GALNT13: variants seen among roughly 807,000 people sequenced by gnomAD.
The protein encoded by GALNT13 is UDP-GalNAc:polypeptide N-acetylgalactosaminyltransferase 13.
GALNT13 carries 28 observed loss-of-function variants against 64.2 expected under a neutral mutation model. That is an observed-to-expected ratio of 0.44 (90% CI 0.32 to 0.60). The LOEUF (loss-of-function observed/expected upper bound fraction) is 0.60, where lower values mean the gene tolerates loss of function less well. Ranked by LOEUF, GALNT13 falls within the 20% of genes least tolerant of loss-of-function variation. The pLI, the probability that GALNT13 is intolerant of heterozygous loss-of-function variation, is 0.05. For synonymous variants in GALNT13, 214 were observed against 224.6 expected (o/e 0.95, Z 0.42); for missense variants, 577 against 669.8 (o/e 0.86, Z 1.53).
chr2:153,725,367 TAGTG>T, the GALNT13 span, among the ~76,000 whole-genome samples: 2 of 151,028 alleles, frequency 1.3e-5, no homozygotes, highest in African/African-American at 4.9e-5. Context: ...GATGACGAGT[TAGTG>T]GGTGCAGCGC....
At chr2:153,741,212 T>C in the GALNT13 span, among the ~76,000 whole-genome samples, 1 of 152,104 alleles carries the variant, frequency 6.6e-6, no homozygotes, top group Non-Finnish European at 1.5e-5. Context: ...ACTATTTCAA[T>C]CTATTTATTT....
At chr2:153,790,601 G>C in the GALNT13 span, among the ~76,000 whole-genome samples, 1 of 152,116 alleles carries the variant, frequency 6.6e-6, no homozygotes, top group Non-Finnish European at 1.5e-5. Context: ...GCCCTGACCA[G>C]AGCAATCAGG....
At chr2:154,020,829 T>C (rs1250132852) in intron 3 of GALNT13, among the ~76,000 whole-genome samples, 1 of 152,148 alleles carries the variant, frequency 6.6e-6, no homozygotes, top group East Asian at 1.9e-4. Context: ...TTTTTATGGT[T>C]TTAAGTCTAA....
chr2:154,020,284 C>T (rs1697353177), intron 3 of GALNT13, among the ~76,000 whole-genome samples: 1 of 152,132 alleles, frequency 6.6e-6, no homozygotes, highest in Non-Finnish European at 1.5e-5. Flanking sequence ...CACCGACTTC[C>T]ACAATGGTTG....
chr2:153,321,013 T>G, the GALNT13 span, among the ~76,000 whole-genome samples: 2 of 152,212 alleles, frequency 1.3e-5, no homozygotes, highest in East Asian at 3.9e-4. Flanking sequence ...TGAGCCTTAA[T>G]ATAGCTCATG....
At chr2:153,337,711 G>A in the GALNT13 span, 3 of 152,172 alleles carry the variant, frequency 2.0e-5, no homozygotes, top group Non-Finnish European at 4.4e-5. Flanking sequence ...ACAGCGATGG[G>A]AGACCTGGTC....
chr2:153,564,017 G>C, the GALNT13 span, among the ~76,000 whole-genome samples: 1 of 151,912 alleles, frequency 6.6e-6, no homozygotes, highest in African/African-American at 2.4e-5. Flanking sequence ...GGTTACTTAT[G>C]GTTTCTGGAT....
At chr2:153,989,266 A>G (rs959661067) in intron 3 of GALNT13, among the ~76,000 whole-genome samples, 4 of 151,954 alleles carry the variant, frequency 2.6e-5, no homozygotes, top group Non-Finnish European at 5.9e-5. Context: ...TCTGCATTGT[A>G]TATGTTTCAA....
At chr2:154,351,686 A>C (rs1574139389) in intron 9 of GALNT13, among the ~76,000 whole-genome samples, 2 of 8,320 alleles carry the variant, frequency 2.4e-4, no homozygotes, top group Non-Finnish European at 2.4e-4. Flanking sequence ...CCGTCTCAAA[A>C]AAAAAAAAAA....
intron 3 of GALNT13, among the ~76,000 whole-genome samples, chr2:153,976,705 C>T (rs769493220): frequency 1.3e-4 from 19 of 151,784 alleles, no homozygotes; most frequent in Non-Finnish European, 2.2e-4. Context: ...TTTTGTCAAT[C>T]GATTATGTTG....
chr2:153,793,570 A>G, the GALNT13 span, among the ~76,000 whole-genome samples: 1 of 152,218 alleles, frequency 6.6e-6, no homozygotes, highest in African/African-American at 2.4e-5. Context: ...TCACTTCTGA[A>G]ATCAAAGTTA....
At chr2:153,765,859 T>A in the GALNT13 span, among the ~76,000 whole-genome samples, 2 of 152,184 alleles carry the variant, frequency 1.3e-5, no homozygotes, top group African/African-American at 4.8e-5. Flanking sequence ...TGAGAGCTGA[T>A]GGTTTTATAA....
intron 3 of GALNT13, among the ~76,000 whole-genome samples, chr2:154,112,301 T>C (rs1237423640): frequency 6.6e-6 from 1 of 152,188 alleles, no homozygotes; most frequent in Non-Finnish European, 1.5e-5. Context: ...CCTCAGTACC[T>C]GCCACCATGG....
chr2:153,201,475 C>T, the GALNT13 span, among the ~76,000 whole-genome samples: 1,074 of 152,242 alleles, frequency 7.1e-3, 14 homozygotes, highest in African/African-American at 0.024. Flanking sequence ...TCATATTGGT[C>T]ATGTCTTTAA....
chr2:153,104,397 A>G, the GALNT13 span, among the ~76,000 whole-genome samples: 1 of 152,118 alleles, frequency 6.6e-6, no homozygotes, highest in African/African-American at 2.4e-5. Context: ...TTTGTAAAAA[A>G]ATTTTTGGAT....
chr2:153,345,703 C>CTT, the GALNT13 span, among the ~76,000 whole-genome samples: 73 of 65,718 alleles, frequency 1.1e-3, 2 homozygotes, highest in East Asian at 2.2e-3. Context: ...TTCTTTCTTT[C>CTT]TCTTTCTCTC....
At chr2:153,630,792 T>G in the GALNT13 span, among the ~76,000 whole-genome samples, 5 of 12,398 alleles carry the variant, frequency 4.0e-4, no homozygotes, top group Admixed American at 3.5e-3. Context: ...TATATATATA[T>G]ATATATATAT....
chr2:153,450,674 T>A, the GALNT13 span, among the ~76,000 whole-genome samples: 1 of 151,946 alleles, frequency 6.6e-6, no homozygotes, highest in African/African-American at 2.4e-5. Context: ...TGAACACATA[T>A]CAGTCAGTCT....
chr2:153,490,217 T>C, the GALNT13 span, among the ~76,000 whole-genome samples: 1 of 152,218 alleles, frequency 6.6e-6, no homozygotes, highest in Admixed American at 6.5e-5. Context: ...TTAAAAGTTA[T>C]CTACGTTTTC....
Sources: allele counts gnomAD v4.1 joint callset (sites outside exome capture counted in the v4.1 genomes callset), GRCh38; gene constraint gnomAD v4.1.1; transcripts MANE v1.5; gene names NCBI Gene and HGNC (gene_info 2026-07-23, HGNC 2026-07-21).